MLXIP: variants seen among roughly 807,000 people sequenced by gnomAD.
The protein encoded by MLXIP is MLX interacting protein, also known as MLX-interacting protein.
Under a neutral mutation model 87.2 loss-of-function variants are expected in MLXIP, and 30 were observed. The ratio of observed to expected loss-of-function variants is 0.34; its 90% CI spans 0.26 to 0.47. The LOEUF is 0.47. Ranked by LOEUF, MLXIP falls within the 20% of genes least tolerant of loss-of-function variation. The pLI is 1.00. For missense variants in MLXIP, 1,002 were observed against 1,240.1 expected, an observed-to-expected ratio of 0.81 and a Z score of 2.88; for synonymous variants, 530 against 514.0, an observed-to-expected ratio of 1.03 and a Z score of -0.42.
chr12:122,138,611 CAG>C, intron 14 of MLXIP, 60 bp downstream of exon 14: 3 of 1,562,298 alleles, frequency 1.9e-6, no homozygotes, highest in Non-Finnish European at 1.7e-6. Flanking sequence ...GGGCCTGCCT[CAG>C]AGGTGGTGGG....
chr12:122,136,047 A>G, intron 11 of MLXIP: 1 of 195,336 alleles, frequency 5.1e-6, no homozygotes, highest in Non-Finnish European at 1.1e-5. Context: ...GAAGCCGTCC[A>G]GCCTCATCTG....
In MLXIP at chr12:122,135,134, G is replaced by A. The variant is rs1953062525; in HGVS notation, c.1733-90G>A. On this transcript the variant is annotated intron_variant, in intron 9 of 16. Transcript: ENST00000319080. This position sits in a 1 kb window ranked among gnomAD's most constrained non-coding sequence, Gnocchi z 5.3. ...TCCTGTCCCCTGGGGTTGAGAACAA[G>A]CTGTCTCACTGGCAGAGAGGCAGCC... is the stretch of plus-strand genomic sequence containing the variant. The A allele has an allele frequency of 1.3e-6, 2 of 1,515,546 alleles. No individual in the cohort carries two copies. The highest frequency in any genetic ancestry group is 1.8e-6 in the Non-Finnish European group (2 of 1,111,834). 93.9% of individuals were successfully genotyped at this position (1,515,546 alleles called of 1,614,324 possible).
At chr12:122,096,136 T>A (rs1317747103) in intron 1 of MLXIP, among the ~76,000 whole-genome samples, 1 of 151,752 alleles carries the variant, frequency 6.6e-6, no homozygotes, top group Non-Finnish European at 1.5e-5. Context: ...GGGCTGCAAA[T>A]GTGTGATCAT....
At position 122,113,984 on chromosome 12, in the gene MLXIP, C is replaced by CTT. The variant is rs141720091; in HGVS notation, c.414-13255_414-13254dup. Among the ~76,000 whole-genome samples, 1,022 of 108,650 alleles carry CTT rather than the reference C, an allele frequency of 9.4e-3. 15 individuals carry two copies. The highest frequency in any genetic ancestry group is 0.025 in the African/African-American group (698 of 27,792). 71.3% of individuals were successfully genotyped at this position (108,650 alleles called of 152,430 possible). Reference sequence around the variant, plus strand: ...ACAGGCGTGAGCCACTGCACCCGGCCTTTTTTTTTTTTTTTTTTGAGACAG... The same window carrying CTT: ...ACAGGCGTGAGCCACTGCACCCGGCCTTTTTTTTTTTTTTTTTTTTGAGACAG... On this transcript the variant is annotated intron_variant, in intron 1 of 16. Transcript: ENST00000319080.
At chr12:122,119,249 A>G (rs1952740918) in intron 1 of MLXIP, among the ~76,000 whole-genome samples, 1 of 152,200 alleles carries the variant, frequency 6.6e-6, no homozygotes, top group Admixed American at 6.5e-5. Context: ...GCCATACCAT[A>G]TATCTTGTAC....
In MLXIP at chr12:122,138,415, C is replaced by T; in HGVS notation, c.2257-9C>T. On this transcript the variant is annotated splice_polypyrimidine_tract_variant and intron_variant, in intron 13 of 16. Transcript: ENST00000319080. ...GGGTGCTGCCTCCAGCCACCTGCCC[C>T]TTCTGCAGACCAGTCACGCCATCAC... is the stretch of plus-strand genomic sequence containing the variant. The T allele has an allele frequency of 6.2e-7, 1 of 1,613,300 alleles. No individual in the cohort carries two copies. Among genetic ancestry groups the T allele is most frequent in the Non-Finnish European group, 8.5e-7 (1 of 1,179,496 alleles).
intron 2 of MLXIP, among the ~76,000 whole-genome samples, chr12:122,127,586 C>T (rs1010351899): frequency 6.6e-6 from 1 of 152,212 alleles, no homozygotes; most frequent in Non-Finnish European, 1.5e-5. Flanking sequence ...CTCTCCAGCC[C>T]GAGTGTCATG....
intron 1 of MLXIP, among the ~76,000 whole-genome samples, chr12:122,097,172 G>GT (rs1410092129): frequency 2.0e-5 from 3 of 151,758 alleles, no homozygotes; most frequent in Admixed American, 1.3e-4. Flanking sequence ...GGTTATGGGT[G>GT]TTTTTTTTGG....
intron 1 of MLXIP, among the ~76,000 whole-genome samples, chr12:122,090,632 C>CTTTTT: frequency 6.6e-6 from 1 of 152,260 alleles, no homozygotes; most frequent in South Asian, 2.1e-4. Flanking sequence ...TCAACTTTCC[C>CTTTTT]TGTATGTTTG....
At chr12:122,126,281 G>A (rs546104055) in intron 1 of MLXIP, among the ~76,000 whole-genome samples, 11 of 152,290 alleles carry the variant, frequency 7.2e-5, no homozygotes, top group Non-Finnish European at 1.3e-4. Flanking sequence ...GCCACCAAAC[G>A]TCCTCCCTAG....
intron 1 of MLXIP, among the ~76,000 whole-genome samples, chr12:122,113,425 A>G (rs1368920460): frequency 2.6e-5 from 4 of 151,480 alleles, no homozygotes; most frequent in Non-Finnish European, 4.4e-5. Flanking sequence ...GTACCACCAC[A>G]CCTGGCTAAT....
chr12:122,110,938 G>A (rs916559456), intron 1 of MLXIP, among the ~76,000 whole-genome samples: 3 of 151,718 alleles, frequency 2.0e-5, no homozygotes, highest in Non-Finnish European at 2.9e-5. Flanking sequence ...TTAGCCGGGC[G>A]TGGTGGCGGG....
chr12:122,099,892 A>T (rs1392289255), intron 1 of MLXIP, among the ~76,000 whole-genome samples: 1 of 152,164 alleles, frequency 6.6e-6, no homozygotes, highest in Non-Finnish European at 1.5e-5. Flanking sequence ...TAGTGAGAAG[A>T]TGGAGACTAC....
chr12:122,132,682 G>C, intron 8 of MLXIP: 1 of 331,316 alleles, frequency 3.0e-6, no homozygotes, highest in South Asian at 8.1e-5. Context: ...AGACAGAGAA[G>C]AAAAACATGG....
chr12:122,126,474 GGTGGCTGA>G (rs1445093199), intron 1 of MLXIP, among the ~76,000 whole-genome samples: 1 of 152,178 alleles, frequency 6.6e-6, no homozygotes, highest in Non-Finnish European at 1.5e-5. Flanking sequence ...AGGATTAGGA[GGTGGCTGA>G]GTGGAGGGCC....
At chr12:122,116,549 G>A (rs943222403) in intron 1 of MLXIP, among the ~76,000 whole-genome samples, 1 of 152,174 alleles carries the variant, frequency 6.6e-6, no homozygotes, top group African/African-American at 2.4e-5. Flanking sequence ...GAGCACCTTG[G>A]GGTCTGATTG....
chr12:122,102,231 C>G lies in MLXIP; in HGVS notation c.413+22965C>G, dbSNP rs141356667. Among the ~76,000 whole-genome samples, 555 of 151,854 alleles carry G rather than the reference C, an allele frequency of 3.7e-3. 3 individuals are homozygous for G. Among genetic ancestry groups the G allele is most frequent in the African/African-American group, 0.013 (537 of 41,376 alleles). On this transcript the variant is annotated intron_variant, in intron 1 of 16. Coordinates refer to ENST00000319080, the MANE Select transcript of MLXIP (RefSeq NM_014938.6). ...GTATATTTAGAATATATAAAGAATT[C>G]TACAAATTAAAAAAAACACAAATAA...
intron 1 of MLXIP, among the ~76,000 whole-genome samples, chr12:122,110,912 C>G (rs1018830378): frequency 2.0e-5 from 3 of 151,960 alleles, no homozygotes; most frequent in Non-Finnish European, 2.9e-5. Context: ...CCCGTCTCTA[C>G]TAAAAATACA....
intron 8 of MLXIP, chr12:122,132,973 C>T (rs568975384): frequency 3.9e-5 from 8 of 203,402 alleles, no homozygotes; most frequent in East Asian, 1.2e-4. Context: ...CCAGTTGACA[C>T]GTGAAATTGT....
Sources: allele counts gnomAD v4.1 joint callset (sites outside exome capture counted in the v4.1 genomes callset), GRCh38; gene constraint gnomAD v4.1.1; non-coding constraint Gnocchi (gnomAD v3.1); transcripts MANE v1.5; gene names NCBI Gene and HGNC (gene_info 2026-07-23, HGNC 2026-07-21).